The following BRDT variants were observed in gnomAD, a reference collection of about 807,000 sequenced individuals.
BRDT encodes bromodomain testis-specific protein.
Under a neutral mutation model 113.9 loss-of-function variants are expected in BRDT, and 77 were observed. The observed-to-expected ratio is 0.68, with a 90% CI of 0.56 to 0.82. The LOEUF (loss-of-function observed/expected upper bound fraction) is 0.82, where lower values mean the gene tolerates loss of function less well. Ranked by LOEUF, BRDT falls within the 40% of genes least tolerant of loss-of-function variation. The pLI, the probability that BRDT is intolerant of heterozygous loss-of-function variation, is 0.00. For synonymous variants in BRDT, 358 were observed against 366.5 expected (o/e 0.98, Z 0.26); for missense variants, 1,027 against 1,105.4 (o/e 0.93, Z 1.01).
intron 1 of BRDT, among the ~76,000 whole-genome samples, chr1:91,955,048 T>TC (rs1034451774): frequency 6.6e-6 from 1 of 152,150 alleles, no homozygotes; most frequent in African/African-American, 2.4e-5. Context: ...TGTACTTTTT[T>TC]CCCCTCCTTA....
intron 1 of BRDT, among the ~76,000 whole-genome samples, chr1:91,962,474 C>T (rs963431834): frequency 2.6e-5 from 4 of 152,012 alleles, no homozygotes; most frequent in African/African-American, 4.8e-5. Flanking sequence ...GCTTAGATTA[C>T]AGGCATGCAC....
intron 14 of BRDT, among the ~76,000 whole-genome samples, chr1:91,992,742 G>T (rs994536999): frequency 1.3e-5 from 2 of 152,046 alleles, no homozygotes; most frequent in African/African-American, 4.8e-5. Flanking sequence ...CACCATGTTG[G>T]CCAAGCTGGT....
chr1:91,994,178 A>T lies in BRDT; in HGVS notation c.2211A>T (p.Leu737Phe). ...SHVMPPNHHQ[L>F]AFNYQELEHL... ...TAATGCCACCAAATCACCACCAATT[A>T]GCATTTAATTATCAAGAATTAGAAC... Residue 737 changes from leucine (L) to phenylalanine (F), a missense_variant, in exon 15 of 19, where the codon TTA (leucine) becomes TTT (phenylalanine). By Grantham distance (22) the Leu-to-Phe change is conservative (BLOSUM62 0). Transcript: ENST00000399546. The T allele has an allele frequency of 1.2e-6, 2 of 1,613,412 alleles. No homozygotes were observed. The highest frequency in any genetic ancestry group is 1.7e-6 in the Non-Finnish European group (2 of 1,179,432).
rs1437994955 is a variant in BRDT, at chr1:91,981,317, G to A, written c.1800G>A (p.Gln600=). Reference sequence around the variant, plus strand: ...AAGAACTTCACTCACAGAAAAAACAGGAATTGGAAAAGCGGTTACTGGATG... The same window carrying A: ...AAGAACTTCACTCACAGAAAAAACAAGAATTGGAAAAGCGGTTACTGGATG... ...SKEELHSQKK[Q]ELEKRLLDVN... The change falls in exon 11 of 19, where the codon CAG becomes CAA. Residue 600 remains glutamine, a synonymous_variant. Coordinates refer to ENST00000399546, the MANE Select transcript of BRDT (RefSeq NM_207189.4). The A allele has an allele frequency of 6.2e-7, 1 of 1,614,092 alleles. No individual in the cohort carries two copies. The highest frequency in any genetic ancestry group is 1.1e-5 in the South Asian group (1 of 91,068).
intron 12 of BRDT, among the ~76,000 whole-genome samples, 175 bp downstream of exon 12, chr1:91,981,930 G>A (rs1414508027): frequency 6.6e-6 from 1 of 152,160 alleles, no homozygotes; most frequent in African/African-American, 2.4e-5. Flanking sequence ...GAGATACTGT[G>A]TAAGATGAAA....
intron 11 of BRDT, 84 bp downstream of exon 11, chr1:91,981,465 G>T: frequency 6.6e-7 from 1 of 1,505,622 alleles, no homozygotes; most frequent in South Asian, 1.2e-5. Context: ...GGCTGGTCTT[G>T]AACTCCTGGC....
intron 4 of BRDT, among the ~76,000 whole-genome samples, chr1:91,973,455 C>T (rs559976743): frequency 1.3e-5 from 2 of 152,182 alleles, no homozygotes; most frequent in African/African-American, 4.8e-5. Context: ...TCTTTTATTT[C>T]GTTGAGCAGT....
intron 18 of BRDT, among the ~76,000 whole-genome samples, chr1:92,007,928 T>C (rs953646694): frequency 6.6e-5 from 10 of 152,084 alleles, no homozygotes; most frequent in Non-Finnish European, 1.5e-4. Flanking sequence ...TTCATTCGTT[T>C]ATTTTTGAGG....
At chr1:91,961,583 C>T (rs1044592864) in intron 1 of BRDT, among the ~76,000 whole-genome samples, 1 of 150,714 alleles carries the variant, frequency 6.6e-6, no homozygotes, top group Non-Finnish European at 1.5e-5. Flanking sequence ...GGGCCGAGAT[C>T]GCGCCATTGC....
chr1:92,001,540 A>T (rs373605245), intron 15 of BRDT, among the ~76,000 whole-genome samples: 1 of 152,142 alleles, frequency 6.6e-6, no homozygotes, highest in Non-Finnish European at 1.5e-5. Context: ...TACTAAAAAT[A>T]CAAAAATTAA....
chr1:91,967,402 A>ATT (rs1191398119), intron 3 of BRDT, among the ~76,000 whole-genome samples: 1 of 134,554 alleles, frequency 7.4e-6, no homozygotes. Flanking sequence ...CACCTGGCTA[A>ATT]TTTTTTTTTT....
intron 3 of BRDT, among the ~76,000 whole-genome samples, chr1:91,966,842 G>C (rs1051242008): frequency 2.6e-5 from 4 of 152,162 alleles, no homozygotes; most frequent in Admixed American, 1.3e-4. Context: ...AGGCCAAGGC[G>C]GGTGGATCAC....
intron 1 of BRDT, among the ~76,000 whole-genome samples, chr1:91,953,946 T>A (rs1681426304): frequency 6.6e-6 from 1 of 151,956 alleles, no homozygotes; most frequent in Admixed American, 6.6e-5. Flanking sequence ...ACTTAGCATT[T>A]TCTTCTCCTA....
intron 15 of BRDT, among the ~76,000 whole-genome samples, chr1:91,995,881 G>T (rs147893806): frequency 6.6e-6 from 1 of 151,794 alleles, no homozygotes; most frequent in African/African-American, 2.4e-5. Flanking sequence ...CAGATGATCC[G>T]CTTGCCTCAG....
intron 7 of BRDT, among the ~76,000 whole-genome samples, chr1:91,979,026 C>CAACA (rs1553190025): frequency 8.7e-5 from 12 of 138,398 alleles, no homozygotes; most frequent in East Asian, 4.1e-4. Flanking sequence ...ACAACAACAA[C>CAACA]AAAAAAAACC....
chr1:91,958,001 G>C (rs180723969), intron 1 of BRDT, among the ~76,000 whole-genome samples: 1 of 152,122 alleles, frequency 6.6e-6, no homozygotes, highest in East Asian at 1.9e-4. Context: ...CACATTGCCT[G>C]GCTAACTTTT....
chr1:92,007,442 T>C (rs1386326058), intron 18 of BRDT, among the ~76,000 whole-genome samples: 2 of 152,194 alleles, frequency 1.3e-5, no homozygotes, highest in Admixed American at 1.3e-4. Flanking sequence ...TTTGTGTTCC[T>C]AAGTTCATAT....
chr1:91,992,795 CA>C (rs1260301062), intron 14 of BRDT, among the ~76,000 whole-genome samples: 2 of 152,160 alleles, frequency 1.3e-5, no homozygotes, highest in African/African-American at 4.8e-5. Context: ...CTCAGCCTCC[CA>C]AAGTGCTGGG....
Position 91,979,714 on chromosome 1 carries a change from C to T in BRDT, c.1244C>T (p.Ser415Phe), listed in dbSNP as rs776201694. The change falls in exon 8 of 19, where the codon TCT becomes TTT. Residue 415 changes from serine (S) to phenylalanine (F), a missense_variant. Ser to Phe is a radical substitution (Grantham distance 155, BLOSUM62 -2). Coordinates refer to ENST00000399546, the MANE Select transcript of BRDT (RefSeq NM_207189.4). Reference protein sequence around the residue: ...ASSEGNSSDDSEDERVKRLAK... With the variant: ...ASSEGNSSDDFEDERVKRLAK... ...TCTGAAGGGAACTCTTCTGATGATT[C>T]TGAAGATGAGCGAGTTAAGCGTCTT... The T allele has an allele frequency of 6.2e-7, 1 of 1,612,320 alleles. No individual in the cohort carries two copies. Among genetic ancestry groups the T allele is most frequent in the Non-Finnish European group, 8.5e-7 (1 of 1,179,642 alleles).
Sources: gnomAD v4.1 joint callset for allele counts (sites outside exome capture counted in the v4.1 genomes callset) on GRCh38, gnomAD v4.1.1 for gene constraint, MANE v1.5 for transcripts, NCBI Gene and HGNC (gene_info 2026-07-23, HGNC 2026-07-21) for gene names.